KIAA1549: variants seen among roughly 807,000 people sequenced by gnomAD.
The protein encoded by KIAA1549 is UPF0606 protein KIAA1549.
KIAA1549 carries 70 observed loss-of-function variants against 156.4 expected under a neutral mutation model. The ratio of observed to expected loss-of-function variants is 0.45; its 90% CI spans 0.37 to 0.55. The LOEUF is 0.55. Among genes scored for constraint, KIAA1549 ranks in the 20% least tolerant of loss-of-function variants. KIAA1549 has a pLI of 0.00. For synonymous variants in KIAA1549, 1,103 were observed against 1,066.4 expected, an observed-to-expected ratio of 1.03 and a Z score of -0.67; for missense variants, 2,428 against 2,540.9, an observed-to-expected ratio of 0.96 and a Z score of 0.96.
At chr7:138,915,141 C>T (rs971316889) in intron 2 of KIAA1549, among the ~76,000 whole-genome samples, 2 of 152,178 alleles carry the variant, frequency 1.3e-5, no homozygotes, top group African/African-American at 4.8e-5. Context: ...TGATGACAGT[C>T]TCCTCCCCCA....
intron 17 of KIAA1549, 61 bp downstream of exon 17, chr7:138,852,161 TA>T: frequency 8.6e-7 from 1 of 1,166,218 alleles, no homozygotes; most frequent in Non-Finnish European, 1.3e-6. Context: ...AGTGAGTTTA[TA>T]AAGTTTTTAA....
In KIAA1549 at chr7:138,917,629, A is replaced by G; in HGVS notation, c.1997T>C (p.Leu666Ser). The G allele has an allele frequency of 1.2e-6, 2 of 1,613,764 alleles. No homozygotes were observed. The highest frequency in any genetic ancestry group is 1.7e-6 in the Non-Finnish European group (2 of 1,179,788). The change falls in exon 2 of 20, where the codon TTG becomes TCG. Residue 666 changes from leucine (L) to serine (S), a missense_variant. Physicochemically the swap from Leu to Ser is moderately radical, Grantham distance 145. Around this residue, in one of 5 missense-constraint regions of KIAA1549, gnomAD observed 893 missense variants for 847.9 expected, o/e 1.05. Transcript: ENST00000422774. The stretch of plus-strand genomic sequence containing the variant: ...GTCAAACAATGTAAATGTCTCAACC[A>G]AGGGAGAAAAAGACTGAGATGTGAA... ...SPFTSQSFSP[L>S]VETFTLFDSS...
intron 10 of KIAA1549, among the ~76,000 whole-genome samples, chr7:138,889,425 T>C (rs1811489024): frequency 6.6e-6 from 1 of 152,240 alleles, no homozygotes; most frequent in South Asian, 2.1e-4. Flanking sequence ...TTACTGTTGA[T>C]TGATGAAACA....
intron 1 of KIAA1549, among the ~76,000 whole-genome samples, chr7:138,975,241 G>A (rs1174044631): frequency 6.6e-6 from 1 of 152,176 alleles, no homozygotes; most frequent in African/African-American, 2.4e-5. Flanking sequence ...AAAAGAAAGA[G>A]ACAAAGAGAA....
At chr7:138,858,807 A>G (rs1271957991) in intron 16 of KIAA1549, among the ~76,000 whole-genome samples, 1 of 152,096 alleles carries the variant, frequency 6.6e-6, no homozygotes, top group African/African-American at 2.4e-5. Flanking sequence ...GGAGATCGAG[A>G]CCATCCTGGC....
chr7:138,871,129 T>C (rs371055429), intron 13 of KIAA1549, 28 bp downstream of exon 13: 10 of 1,600,774 alleles, frequency 6.2e-6, no homozygotes, highest in Non-Finnish European at 8.5e-6. Context: ...GTTTTTTAAG[T>C]AACAGACTTT....
intron 1 of KIAA1549, among the ~76,000 whole-genome samples, chr7:138,930,748 C>T (rs975294637): frequency 3.3e-5 from 5 of 152,174 alleles, no homozygotes; most frequent in African/African-American, 4.8e-5. Context: ...AAGCTTTCTC[C>T]GTATCAGCAA....
chr7:138,849,724 A>G (rs1810183563), intron 17 of KIAA1549, among the ~76,000 whole-genome samples: 1 of 151,442 alleles, frequency 6.6e-6, no homozygotes, highest in African/African-American at 2.4e-5. Context: ...CCCACCCTCT[A>G]CCCTCAAGTG....
At chr7:138,860,820 C>T (rs955809613) in intron 16 of KIAA1549, among the ~76,000 whole-genome samples, 3 of 152,190 alleles carry the variant, frequency 2.0e-5, no homozygotes, top group Admixed American at 1.3e-4. Context: ...GGTTACCCCA[C>T]CTCCATTCCG....
intron 15 of KIAA1549, among the ~76,000 whole-genome samples, chr7:138,863,542 T>C (rs1171563931): frequency 2.6e-5 from 4 of 151,768 alleles, no homozygotes; most frequent in Non-Finnish European, 5.9e-5. Context: ...CACGGACAGG[T>C]TTTGCTTGGC....
Position 138,918,747 on chromosome 7 carries a change from T to A in KIAA1549, c.879A>T (p.Leu293Phe). ...GCAACGGTATAGTAATGCCGTCGCC[T>A]AACGGCTGTGGCATTAAAGACCGGG... is the stretch of plus-strand genomic sequence containing the variant. ...LSSRSLMPQPLGDGITIPLPS... is the reference protein window; with the variant it reads ...LSSRSLMPQPFGDGITIPLPS... Residue 293 changes from leucine to phenylalanine, a missense_variant, in exon 2 of 20, where the codon TTA (leucine) becomes TTT (phenylalanine). Leu to Phe is a conservative substitution (Grantham distance 22, BLOSUM62 0). Coordinates refer to ENST00000422774, the MANE Select transcript of KIAA1549 (RefSeq NM_001164665.2). The surrounding 1 kb of genome is among the most constrained non-coding windows in gnomAD (Gnocchi z 4.2). 1 of 1,613,832 alleles carries A rather than the reference T, an allele frequency of 6.2e-7. No individual in the cohort carries two copies.
intron 1 of KIAA1549, among the ~76,000 whole-genome samples, chr7:138,965,414 C>A (rs1813990240): frequency 6.6e-6 from 1 of 152,138 alleles, no homozygotes; most frequent in Non-Finnish European, 1.5e-5. Context: ...TGGTCTTGAA[C>A]TCCTGGGCTC....
At chr7:138,856,240 A>C (rs1230204045) in intron 16 of KIAA1549, among the ~76,000 whole-genome samples, 1 of 150,508 alleles carries the variant, frequency 6.6e-6, no homozygotes, top group Admixed American at 6.6e-5. Context: ...GGGTTTCACC[A>C]TGTTAGCCAG....
chr7:138,871,769 T>C (rs1810945356), intron 12 of KIAA1549, among the ~76,000 whole-genome samples: 2 of 152,234 alleles, frequency 1.3e-5, no homozygotes, highest in Admixed American at 1.3e-4. Flanking sequence ...TGCTACCATC[T>C]GGCAGGGAGC....
chr7:138,939,532 A>T (rs1461184159), intron 1 of KIAA1549, among the ~76,000 whole-genome samples: 1 of 152,238 alleles, frequency 6.6e-6, no homozygotes, highest in African/African-American at 2.4e-5. Context: ...GTGTCATTTA[A>T]CGTGTTCTTC....
At chr7:138,929,996 A>G (rs1812826874) in intron 1 of KIAA1549, among the ~76,000 whole-genome samples, 1 of 152,190 alleles carries the variant, frequency 6.6e-6, no homozygotes, top group South Asian at 2.1e-4. Context: ...TATTTCTTAT[A>G]TAGTAAGACT....
intron 4 of KIAA1549, among the ~76,000 whole-genome samples, chr7:138,909,594 T>C (rs1312225443): frequency 6.6e-6 from 1 of 152,228 alleles, no homozygotes; most frequent in East Asian, 1.9e-4. Context: ...TAGTACTCTC[T>C]CTACTTTTGT....
In KIAA1549 at chr7:138,916,840, A is replaced by G; in HGVS notation, c.2786T>C (p.Leu929Pro). 1 of 1,613,930 alleles carries G rather than the reference A, an allele frequency of 6.2e-7. No individual in the cohort carries two copies. Among genetic ancestry groups the G allele is most frequent in the Non-Finnish European group, 8.5e-7 (1 of 1,179,876 alleles). The change falls in exon 2 of 20, where the codon CTC becomes CCC. Residue 929 changes from leucine to proline, a missense_variant. Transcript: ENST00000422774. ...PSLRPVTAFT[L>P]EATVDTPTLA... Reference sequence around the variant, plus strand: ...TGTTGGTGTGTCGACTGTTGCTTCGAGAGTGAAGGCAGTCACGGGACGCAG... The same window carrying G: ...TGTTGGTGTGTCGACTGTTGCTTCGGGAGTGAAGGCAGTCACGGGACGCAG...
chr7:138,946,736 G>A (rs981220854), intron 1 of KIAA1549, among the ~76,000 whole-genome samples: 2 of 152,122 alleles, frequency 1.3e-5, no homozygotes, highest in South Asian at 2.1e-4. Flanking sequence ...CCGAGATCAC[G>A]CCACTGGACT....
Sources: allele counts gnomAD v4.1 joint callset (sites outside exome capture counted in the v4.1 genomes callset), GRCh38; gene constraint gnomAD v4.1.1; regional missense constraint gnomAD v4.1.1; non-coding constraint Gnocchi (gnomAD v3.1); transcripts MANE v1.5; gene names NCBI Gene and HGNC (gene_info 2026-07-23, HGNC 2026-07-21).